Variants in ATP11A observed in about 807,000 individuals in gnomAD.
ATP11A encodes ATPase phospholipid transporting 11A, also known as phospholipid-transporting ATPase IH.
In ATP11A, 81 loss-of-function variants were observed where a neutral mutation model predicts 154.4. That is an observed-to-expected ratio of 0.52 (90% CI 0.44 to 0.63). ATP11A has a LOEUF of 0.63. ATP11A is among the 30% of genes least tolerant of loss of function. The pLI, the probability that ATP11A is intolerant of heterozygous loss-of-function variation, is 0.00. For synonymous variants in ATP11A, 623 were observed against 585.9 expected, an observed-to-expected ratio of 1.06 and a Z score of -0.91; for missense variants, 1,316 against 1,474.3, an observed-to-expected ratio of 0.89 and a Z score of 1.76.
At chr13:112,844,693 G>A (rs1003631562) in intron 17 of ATP11A, among the ~76,000 whole-genome samples, 5 of 150,908 alleles carry the variant, frequency 3.3e-5, no homozygotes, top group Admixed American at 1.3e-4. Context: ...TTCAGTTGCC[G>A]AGCACTAGCG....
intron 29 of ATP11A, chr13:112,880,814 G>A (rs570073125): frequency 1.9e-5 from 19 of 985,410 alleles, no homozygotes; most frequent in Middle Eastern, 5.2e-4. Flanking sequence ...TAAGTAACAC[G>A]CCTGAGGGCA....
Position 112,863,409 on chromosome 13 carries a change from G to C in ATP11A, c.2991+834G>C, listed in dbSNP as rs867638454. Among the ~76,000 whole-genome samples the C allele has an allele frequency of 2.5e-3, 284 of 113,472 alleles. 1 individual carries two copies. The highest frequency in any genetic ancestry group is 9.5e-3 in the African/African-American group (265 of 27,988). The allele number at this position is 113,472 out of a possible 152,430, so 74.4% of individuals were successfully genotyped here. A position where few individuals can be genotyped will look rare whatever the true frequency, so the allele number is the denominator to read the frequency against. ...CCCAGCGGGGTCCATCACCACCTGC[G>C]CAGTAATTCAGTGCAGGCCCTGCAG... On this transcript the variant is annotated intron_variant, in intron 25 of 29. Coordinates refer to ENST00000375645, the MANE Select transcript of ATP11A (RefSeq NM_015205.3).
At chr13:112,794,606 A>G (rs1041730750) in intron 2 of ATP11A, among the ~76,000 whole-genome samples, 1 of 152,238 alleles carries the variant, frequency 6.6e-6, no homozygotes, top group Non-Finnish European at 1.5e-5. Context: ...GCAGTGGCTC[A>G]CACCTGTAAT....
rs993256958 is a variant in ATP11A, at chr13:112,690,195, C to G, written c.-222C>G. The G allele has an allele frequency of 2.9e-4, 46 of 156,314 alleles. No individual in the cohort carries two copies. The highest frequency in any genetic ancestry group is 5.6e-4 in the Non-Finnish European group (41 of 73,210). 9.7% of individuals were successfully genotyped at this position (156,314 alleles called of 1,614,324 possible). ...GCGCGGCCCCGAGCAGCAGCCTTGC[C>G]GCCAGTGGAGCAGCTGCCGACGCGC... On this transcript the variant is annotated 5_prime_UTR_variant, in exon 1 of 30. Transcript: ENST00000375645. The surrounding 1 kb of genome is among the most constrained non-coding windows in gnomAD (Gnocchi z 5.6).
chr13:112,710,918 C>T (rs1005658790), intron 1 of ATP11A, among the ~76,000 whole-genome samples: 2 of 152,146 alleles, frequency 1.3e-5, no homozygotes, highest in African/African-American at 2.4e-5. Context: ...AGTCACAGTG[C>T]GGGAGGCTTC....
At chr13:112,775,746 G>A (rs1162788029) in intron 1 of ATP11A, among the ~76,000 whole-genome samples, 1 of 152,078 alleles carries the variant, frequency 6.6e-6, no homozygotes, top group East Asian at 1.9e-4. Context: ...TATCTGGAGA[G>A]GTGTCATCCT....
intron 5 of ATP11A, among the ~76,000 whole-genome samples, chr13:112,813,017 G>A (rs1030095391): frequency 4.6e-5 from 7 of 152,184 alleles, no homozygotes; most frequent in Admixed American, 2.0e-4. Context: ...TTAATGTATC[G>A]GTCTTCTGTG....
At chr13:112,863,139 A>G (rs866179827) in intron 25 of ATP11A, among the ~76,000 whole-genome samples, 485 of 91,024 alleles carry the variant, frequency 5.3e-3, no homozygotes, top group Middle Eastern at 0.014. Flanking sequence ...CACCACCTGC[A>G]CAGTAATTCA....
At position 112,884,314 on chromosome 13, in the gene ATP11A, A is replaced by G. The variant is rs1031258808; in HGVS notation, c.*2448A>G. On this transcript the variant is annotated 3_prime_UTR_variant, in exon 30 of 30. Coordinates refer to ENST00000375645, the MANE Select transcript of ATP11A (RefSeq NM_015205.3). Reference sequence around the variant, plus strand: ...ATTGCCATCCTTCAGCCTTAAAAATAGAAGATTCTCACGTGAAGGTTTAGT... The same window carrying G: ...ATTGCCATCCTTCAGCCTTAAAAATGGAAGATTCTCACGTGAAGGTTTAGT... 6.6e-6 allele frequency: 1 copy of G among 152,670 alleles called. No homozygotes were observed. The highest frequency in any genetic ancestry group is 1.5e-5 in the Non-Finnish European group (1 of 68,038). 9.5% of individuals were successfully genotyped at this position (152,670 alleles called of 1,614,324 possible).
chr13:112,869,702 G>T (rs925866586), intron 25 of ATP11A, among the ~76,000 whole-genome samples: 1 of 152,370 alleles, frequency 6.6e-6, no homozygotes, highest in African/African-American at 2.4e-5. Context: ...CTCAGCTGCT[G>T]TGGAGGCACC....
At chr13:112,833,748 C>A (rs370329723) in intron 14 of ATP11A, among the ~76,000 whole-genome samples, 4 of 152,214 alleles carry the variant, frequency 2.6e-5, no homozygotes, top group Non-Finnish European at 4.4e-5. Flanking sequence ...TCGTTCCATG[C>A]GTAAACCCAC....
chr13:112,701,904 C>T (rs1013027238), intron 1 of ATP11A, among the ~76,000 whole-genome samples: 5 of 152,088 alleles, frequency 3.3e-5, no homozygotes, highest in Non-Finnish European at 5.9e-5. Flanking sequence ...GTGTTACCCC[C>T]GGCACTGTGC....
intron 27 of ATP11A, among the ~76,000 whole-genome samples, chr13:112,874,800 A>AGCCCGGCTCTGGAGAGCCCG (rs2080666155): frequency 6.6e-6 from 1 of 152,174 alleles, no homozygotes; most frequent in Non-Finnish European, 1.5e-5. Flanking sequence ...TAGAGAGCCC[A>AGCCCGGCTCTGGAGAGCCCG]GCCCGGCTCT....
intron 12 of ATP11A, among the ~76,000 whole-genome samples, chr13:112,830,835 T>C (rs1345473045): frequency 6.6e-6 from 1 of 152,238 alleles, no homozygotes; most frequent in African/African-American, 2.4e-5. Context: ...GGTTGTATCT[T>C]TAACACATAT....
At chr13:112,852,916 C>T (rs535759124) in intron 18 of ATP11A, among the ~76,000 whole-genome samples, 2 of 152,112 alleles carry the variant, frequency 1.3e-5, no homozygotes, top group African/African-American at 4.8e-5. Flanking sequence ...GGGCCAGGCC[C>T]GGTGGAGCAC....
intron 1 of ATP11A, among the ~76,000 whole-genome samples, chr13:112,773,220 G>A (rs764476087): frequency 3.7e-4 from 56 of 152,000 alleles, no homozygotes; most frequent in Non-Finnish European, 7.5e-4. Flanking sequence ...GCCCTGCCCT[G>A]CCCTGCCCCA....
At chr13:112,799,333 C>T (rs992158656) in intron 2 of ATP11A, among the ~76,000 whole-genome samples, 1 of 152,136 alleles carries the variant, frequency 6.6e-6, no homozygotes, top group Non-Finnish European at 1.5e-5. Context: ...GAGAGTCCAC[C>T]AATAGGCTTT....
At position 112,859,725 on chromosome 13, in the gene ATP11A, A is replaced by G. The variant is rs1027349055; in HGVS notation, c.2727+273A>G. Among the ~76,000 whole-genome samples, 2 of 152,210 alleles carry G rather than the reference A, an allele frequency of 1.3e-5. No homozygotes were observed. Among genetic ancestry groups the G allele is most frequent in the African/African-American group, 2.4e-5 (1 of 41,462 alleles). Reference sequence around the variant, plus strand: ...GGGCCAGTGATGATGTGGTCTCCTCAGGGCCCAGCAGTGCTGGGCTGGGCA... The same window carrying G: ...GGGCCAGTGATGATGTGGTCTCCTCGGGGCCCAGCAGTGCTGGGCTGGGCA... On this transcript the variant is annotated intron_variant, in intron 23 of 29. Transcript: ENST00000375645. The surrounding 1 kb of genome is among the most constrained non-coding windows in gnomAD (Gnocchi z 4.3).
intron 1 of ATP11A, among the ~76,000 whole-genome samples, chr13:112,765,155 C>A (rs1236700853): frequency 6.9e-6 from 1 of 144,968 alleles, no homozygotes; most frequent in African/African-American, 2.8e-5. Flanking sequence ...CCCCCCTCCC[C>A]CCCGCCCCGG....
Sources: allele counts gnomAD v4.1 joint callset (sites outside exome capture counted in the v4.1 genomes callset), GRCh38; gene constraint gnomAD v4.1.1; non-coding constraint Gnocchi (gnomAD v3.1); transcripts MANE v1.5; gene names NCBI Gene and HGNC (gene_info 2026-07-23, HGNC 2026-07-21).